The following MAGI2 variants were observed in gnomAD, a reference collection of about 807,000 sequenced individuals.
The protein encoded by MAGI2 is membrane associated guanylate kinase, WW and PDZ domain containing 2.
In MAGI2, 35 loss-of-function variants were observed where a neutral mutation model predicts 133.3. The ratio of observed to expected loss-of-function variants is 0.26; its 90% CI spans 0.20 to 0.35. The LOEUF is 0.35. Among genes scored for constraint, MAGI2 ranks in the 10% least tolerant of loss-of-function variants. The pLI is 1.00. For synonymous variants in MAGI2, 729 were observed against 710.6 expected (o/e 1.03, Z -0.41); for missense variants, 1,636 against 1,863.4 (o/e 0.88, Z 2.25).
chr7:79,128,144 G>C (rs551292353), intron 1 of MAGI2, among the ~76,000 whole-genome samples: 41 of 151,752 alleles, frequency 2.7e-4, no homozygotes, highest in Admixed American at 2.6e-3. Context: ...GCTCTGTTCT[G>C]TTCCATTGGT....
chr7:79,251,687 A>G (rs1394162698), intron 1 of MAGI2, among the ~76,000 whole-genome samples: 2 of 152,218 alleles, frequency 1.3e-5, no homozygotes, highest in Non-Finnish European at 2.9e-5. Context: ...GGTTCATCAA[A>G]AAACTAAAAA....
At chr7:78,270,558 CTGTT>C (rs1377127620) in intron 9 of MAGI2, among the ~76,000 whole-genome samples, 3 of 152,184 alleles carry the variant, frequency 2.0e-5, no homozygotes, top group Non-Finnish European at 2.9e-5. Flanking sequence ...ACTTGGCTCT[CTGTT>C]TGTCTGTTAT....
At chr7:79,203,441 C>A (rs1254600288) in intron 1 of MAGI2, among the ~76,000 whole-genome samples, 1 of 151,990 alleles carries the variant, frequency 6.6e-6, no homozygotes, top group African/African-American at 2.4e-5. Context: ...CCTCCTTCCT[C>A]TCTAGTGTTC....
chr7:78,987,251 A>G (rs1444808925), intron 2 of MAGI2, among the ~76,000 whole-genome samples: 1 of 152,066 alleles, frequency 6.6e-6, no homozygotes, highest in East Asian at 1.9e-4. Flanking sequence ...AATGAGTTGG[A>G]AAAAAGTGCA....
At chr7:79,053,793 T>C (rs1812895807) in intron 1 of MAGI2, among the ~76,000 whole-genome samples, 1 of 152,204 alleles carries the variant, frequency 6.6e-6, no homozygotes, top group Non-Finnish European at 1.5e-5. Flanking sequence ...TGCTAAAAGC[T>C]AATTAATGTA....
intron 2 of MAGI2, among the ~76,000 whole-genome samples, chr7:78,844,696 A>G (rs1424018225): frequency 6.6e-6 from 1 of 151,816 alleles, no homozygotes; most frequent in Non-Finnish European, 1.5e-5. Context: ...TGTGGGGAAC[A>G]GGGGGTGATG....
intron 1 of MAGI2, among the ~76,000 whole-genome samples, chr7:79,304,317 T>C (rs1425219653): frequency 6.6e-6 from 1 of 151,624 alleles, no homozygotes; most frequent in Non-Finnish European, 1.5e-5. Flanking sequence ...CCAAATCATA[T>C]ACAAAGTGGA....
chr7:78,655,562 G>T (rs1812142121), intron 2 of MAGI2, among the ~76,000 whole-genome samples: 1 of 150,320 alleles, frequency 6.7e-6, no homozygotes, highest in South Asian at 2.1e-4. Flanking sequence ...TATCCTTCAG[G>T]GCGGCATCAC....
At chr7:79,147,887 G>A (rs1010642281) in intron 1 of MAGI2, among the ~76,000 whole-genome samples, 4 of 152,136 alleles carry the variant, frequency 2.6e-5, no homozygotes, top group Non-Finnish European at 4.4e-5. Context: ...AGCTCTAGCC[G>A]CAGCTTGTAT....
intron 1 of MAGI2, among the ~76,000 whole-genome samples, chr7:79,325,238 C>A (rs1046482654): frequency 6.6e-6 from 1 of 152,052 alleles, no homozygotes; most frequent in African/African-American, 2.4e-5. Context: ...CAGCCCCTAA[C>A]CCTCCACTCC....
chr7:78,948,998 G>T (rs1193190178), intron 2 of MAGI2, among the ~76,000 whole-genome samples: 2 of 151,924 alleles, frequency 1.3e-5, no homozygotes, highest in African/African-American at 4.8e-5. Flanking sequence ...CAGTCACAAA[G>T]AAAGTTCAGA....
At chr7:78,866,913 T>C (rs2151512597) in intron 2 of MAGI2, among the ~76,000 whole-genome samples, 1 of 152,140 alleles carries the variant, frequency 6.6e-6, no homozygotes, top group Admixed American at 6.5e-5. Context: ...AAGAAGACAT[T>C]TATGCAGCCA....
intron 1 of MAGI2, among the ~76,000 whole-genome samples, chr7:79,363,199 T>G (rs878907031): frequency 6.7e-6 from 1 of 149,992 alleles, no homozygotes; most frequent in Admixed American, 6.7e-5. Flanking sequence ...TTTCAATCAC[T>G]TCGAATAAAA....
chr7:79,370,476 A>G (rs1405846618), intron 1 of MAGI2, among the ~76,000 whole-genome samples: 2 of 152,144 alleles, frequency 1.3e-5, no homozygotes, highest in Non-Finnish European at 2.9e-5. Context: ...ATTTTGAATC[A>G]TCACACTCAT....
At chr7:78,492,855 T>A (rs1208079835) in intron 5 of MAGI2, among the ~76,000 whole-genome samples, 2 of 152,204 alleles carry the variant, frequency 1.3e-5, no homozygotes, top group African/African-American at 4.8e-5. Flanking sequence ...CATTTGCACA[T>A]AAACTTTTCT....
intron 2 of MAGI2, among the ~76,000 whole-genome samples, chr7:78,839,572 G>T (rs1251777615): frequency 1.3e-5 from 2 of 151,972 alleles, no homozygotes; most frequent in Non-Finnish European, 2.9e-5. Flanking sequence ...CTTAAATCAT[G>T]ACAAAAGGGG....
chr7:78,805,997 G>A (rs1320164714), intron 2 of MAGI2, among the ~76,000 whole-genome samples: 3 of 151,986 alleles, frequency 2.0e-5, no homozygotes, highest in African/African-American at 7.2e-5. Flanking sequence ...GAACTAAATT[G>A]TCAGAAAAAA....
chr7:79,334,183 G>A (rs1325370041), intron 1 of MAGI2, among the ~76,000 whole-genome samples: 2 of 152,056 alleles, frequency 1.3e-5, no homozygotes, highest in African/African-American at 2.4e-5. Context: ...CTTATGTAAC[G>A]TTAGTGTTCC....
rs147918235 is a variant in MAGI2 at position 78,277,781 on chromosome 7, G to A, written c.1409-21200C>T. ...GTTTCAGTAGGCTACTGAGAGTAGA[G>A]ACAATAGTATAGGAAATTGGAGAGA... On this transcript the variant is annotated intron_variant, in intron 9 of 21. Transcript: ENST00000354212. Among the ~76,000 whole-genome samples, 839 of 152,266 alleles carry A rather than the reference G, an allele frequency of 5.5e-3. 5 individuals are homozygous for A. Among genetic ancestry groups the A allele is most frequent in the African/African-American group, 0.019 (790 of 41,562 alleles).
Sources: allele counts gnomAD v4.1 joint callset (sites outside exome capture counted in the v4.1 genomes callset), GRCh38; gene constraint gnomAD v4.1.1; transcripts MANE v1.5; gene names NCBI Gene and HGNC (gene_info 2026-07-23, HGNC 2026-07-21).